PXYLP1: variants seen among roughly 807,000 people sequenced by gnomAD.
PXYLP1 encodes acid phosphatase-like 2.
In PXYLP1, 17 loss-of-function variants were observed where a neutral mutation model predicts 37.9. The observed-to-expected ratio is 0.45, with a 90% confidence interval of 0.31 to 0.67. PXYLP1 has a LOEUF of 0.67. PXYLP1 is among the 30% of genes least tolerant of loss of function. The pLI is 0.07. For synonymous variants in PXYLP1, 221 were observed against 232.2 expected (o/e 0.95, Z 0.44); for missense variants, 511 against 612.0 (o/e 0.84, Z 1.74).
intron 1 of PXYLP1, among the ~76,000 whole-genome samples, chr3:141,245,840 C>T (rs1940922116): frequency 6.6e-6 from 1 of 152,178 alleles, no homozygotes; most frequent in Non-Finnish European, 1.5e-5. Context: ...ATATGTTAAG[C>T]TTGACCTGTT....
At chr3:141,234,043 A>T (rs1326858998) in intron 1 of PXYLP1, among the ~76,000 whole-genome samples, 1 of 152,004 alleles carries the variant, frequency 6.6e-6, no homozygotes, top group African/African-American at 2.4e-5. Flanking sequence ...AGGGGTACTC[A>T]GTGTTTGTGA....
At chr3:141,262,622 G>T in intron 2 of PXYLP1, 1 of 1,478,466 alleles carries the variant, frequency 6.8e-7, no homozygotes, top group Non-Finnish European at 8.9e-7. Flanking sequence ...GGAAAATTTT[G>T]CAGGGTAAAT....
intron 1 of PXYLP1, chr3:141,258,288 T>G (rs897132863): frequency 1.3e-5 from 2 of 152,348 alleles, no homozygotes; most frequent in Non-Finnish European, 2.9e-5. Flanking sequence ...GGGAGGGATG[T>G]GCAGGAGAAC....
intron 1 of PXYLP1, among the ~76,000 whole-genome samples, chr3:141,256,725 G>A (rs1336319377): frequency 6.6e-6 from 1 of 152,288 alleles, no homozygotes; most frequent in East Asian, 1.9e-4. Context: ...GGCATCCTGG[G>A]ATTCGGTGTT....
intron 1 of PXYLP1, among the ~76,000 whole-genome samples, chr3:141,253,520 T>C (rs1316702009): frequency 6.6e-6 from 1 of 152,182 alleles, no homozygotes; most frequent in Admixed American, 6.5e-5. Flanking sequence ...CTCTTCAAGA[T>C]GGAGTTCTGG....
rs559716845 is a variant in PXYLP1, at chr3:141,242,808, C to G, written c.-54+10897C>G. Among the ~76,000 whole-genome samples the G allele has an allele frequency of 4.6e-5, 7 of 152,300 alleles. No individual in the cohort carries two copies. The East Asian group carries it at 1.4e-3, about 29-fold the overall frequency. On this transcript the variant is annotated intron_variant, in intron 1 of 5. Coordinates refer to ENST00000286353, the MANE Select transcript of PXYLP1 (RefSeq NM_001037172.3). ...TCCAGGATGGATCTCATCTAATCCC[C>G]TCCATGCCCCCTGAGGCAGGCAGCA...
chr3:141,275,796 T>TAAA lies in PXYLP1; in HGVS notation c.80-2534_80-2532dup, dbSNP rs72152069. ...GTAATGAAGGGAAATACGTTCACTG[T>TAAA]AAAAAAAAAAAAAATGCTTACCTAG... is the stretch of plus-strand genomic sequence containing the variant. On this transcript the variant is annotated intron_variant, in intron 2 of 5. Transcript: ENST00000286353. 1.4e-3 allele frequency among the ~76,000 whole-genome samples: 207 copies of TAAA among 148,710 alleles called. 2 individuals carry two copies. The highest frequency in any genetic ancestry group is 4.3e-3 in the African/African-American group (173 of 40,424).
intron 2 of PXYLP1, among the ~76,000 whole-genome samples, chr3:141,261,257 A>T (rs559993661): frequency 2.6e-5 from 4 of 152,126 alleles, no homozygotes. Flanking sequence ...GAGTTTAGGT[A>T]ATCTTCCCAC....
intron 1 of PXYLP1, among the ~76,000 whole-genome samples, chr3:141,241,814 G>T (rs1940808359): frequency 1.3e-5 from 2 of 152,302 alleles, no homozygotes; most frequent in East Asian, 3.9e-4. Context: ...TCTGAGGAGG[G>T]CTTGGCTGCT....
intron 2 of PXYLP1, chr3:141,262,605 T>G (rs1576589095): frequency 2.0e-6 from 3 of 1,477,336 alleles, no homozygotes; most frequent in African/African-American, 2.8e-5. Flanking sequence ...CAGCCATACT[T>G]TTTTAAGGAA....
chr3:141,257,408 T>A (rs1359717794), intron 1 of PXYLP1, among the ~76,000 whole-genome samples: 1 of 152,182 alleles, frequency 6.6e-6, no homozygotes, highest in Non-Finnish European at 1.5e-5. Context: ...TATTGTCCCA[T>A]GGCCAAAACA....
intron 2 of PXYLP1, among the ~76,000 whole-genome samples, chr3:141,276,515 A>G (rs1941799219): frequency 6.6e-6 from 1 of 152,214 alleles, no homozygotes; most frequent in African/African-American, 2.4e-5. Flanking sequence ...ACTGGGATAG[A>G]ACATTCCACA....
At chr3:141,268,201 GAGAGAGTGTGT>G (rs1941575744) in intron 2 of PXYLP1, among the ~76,000 whole-genome samples, 1 of 30,330 alleles carries the variant, frequency 3.3e-5, no homozygotes, top group African/African-American at 9.0e-5. Context: ...GAGAGAGAGA[GAGAGAGTGTGT>G]GTGTGTGTGT....
chr3:141,287,304 A>C lies in PXYLP1; in HGVS notation c.366-10A>C, dbSNP rs772759448. On this transcript the variant is annotated splice_polypyrimidine_tract_variant and intron_variant, in intron 4 of 5. Coordinates refer to ENST00000286353, the MANE Select transcript of PXYLP1 (RefSeq NM_001037172.3). Reference sequence around the variant, plus strand: ...ACTCTGACCTCTAACTCTCTCTATCATCTCTCTAGGAAACCGTATCACCCA... The same window carrying C: ...ACTCTGACCTCTAACTCTCTCTATCCTCTCTCTAGGAAACCGTATCACCCA... 2.5e-6 allele frequency: 4 copies of C among 1,613,434 alleles called. No homozygotes were observed. The highest frequency in any genetic ancestry group is 3.4e-6 in the Non-Finnish European group (4 of 1,179,642).
At chr3:141,242,180 T>C (rs146954031) in intron 1 of PXYLP1, among the ~76,000 whole-genome samples, 28 of 152,286 alleles carry the variant, frequency 1.8e-4, no homozygotes, top group African/African-American at 6.3e-4. Context: ...TGGTTGTGCT[T>C]GTTACTCACC....
rs1395557062 is a variant in PXYLP1, at chr3:141,231,839, C to T, written c.-126C>T. On this transcript the variant is annotated 5_prime_UTR_variant, in exon 1 of 6. Transcript: ENST00000286353. This position sits in a 1 kb window ranked among gnomAD's most constrained non-coding sequence, Gnocchi z 4.4. ...GCGCCGCCCTCGCCTCCCCTCGCGC[C>T]GGGAGGAGCTGGCGGCGAGCGCCGA... The T allele has an allele frequency of 6.6e-6, 1 of 150,638 alleles. No individual in the cohort carries two copies. The highest frequency in any genetic ancestry group is 1.5e-5 in the Non-Finnish European group (1 of 67,510). The allele number at this position is 150,638 out of a possible 1,614,324, so 9.3% of individuals were successfully genotyped here.
At chr3:141,263,561 C>T (rs2148764031) in intron 2 of PXYLP1, among the ~76,000 whole-genome samples, 1 of 152,338 alleles carries the variant, frequency 6.6e-6, no homozygotes, top group East Asian at 1.9e-4. Context: ...GATGTGAAGA[C>T]TTAGGAATCA....
At chr3:141,273,732 A>G in intron 2 of PXYLP1, 2 of 985,464 alleles carry the variant, frequency 2.0e-6, no homozygotes, top group Non-Finnish European at 2.4e-6. Flanking sequence ...TGAGATGAGC[A>G]GAGAACACCG....
intron 2 of PXYLP1, chr3:141,273,144 G>A (rs1168867792): frequency 4.1e-6 from 4 of 985,284 alleles, no homozygotes; most frequent in Non-Finnish European, 4.8e-6. Flanking sequence ...CTTATTTAAT[G>A]TCTGACTGTC....
Sources: allele counts gnomAD v4.1 joint callset (sites outside exome capture counted in the v4.1 genomes callset), GRCh38; gene constraint gnomAD v4.1.1; non-coding constraint Gnocchi (gnomAD v3.1); transcripts MANE v1.5; gene names NCBI Gene and HGNC (gene_info 2026-07-23, HGNC 2026-07-21).